Variants in QRICH2 observed in about 807,000 individuals in gnomAD.
The protein encoded by QRICH2 is glutamine rich 2.
QRICH2 carries 119 observed loss-of-function variants against 168.3 expected under a neutral mutation model. The observed-to-expected ratio is 0.71, with a 90% CI of 0.61 to 0.82. The LOEUF (loss-of-function observed/expected upper bound fraction) is 0.82. Among genes scored for constraint, QRICH2 ranks in the 40% least tolerant of loss-of-function variants. The pLI is 0.00. For synonymous variants in QRICH2, 894 were observed against 951.2 expected, an observed-to-expected ratio of 0.94 and a Z score of 1.11; for missense variants, 2,241 against 2,491.6, an observed-to-expected ratio of 0.90 and a Z score of 2.14.
chr17:76,289,088 A>T (rs953411642), intron 5 of QRICH2, among the ~76,000 whole-genome samples: 8 of 148,606 alleles, frequency 5.4e-5, no homozygotes, highest in Non-Finnish European at 8.9e-5. Context: ...TTGGCGACAG[A>T]GTGAGACTGT....
chr17:76,276,830 C>CA, intron 16 of QRICH2, 63 bp from the exon 17 acceptor site: 1 of 1,299,662 alleles, frequency 7.7e-7, no homozygotes, highest in Non-Finnish European at 1.1e-6. Flanking sequence ...GGCCCCTTCA[C>CA]ACGGGACTGA....
chr17:76,284,154 C>T (rs2070838180), intron 7 of QRICH2, among the ~76,000 whole-genome samples: 1 of 80,022 alleles, frequency 1.2e-5, no homozygotes, highest in Non-Finnish European at 2.0e-5. Context: ...GGCAACAGAG[C>T]AAAACTCTGT....
chr17:76,298,786 T>TGTGTGTGTG (rs1416621220), intron 3 of QRICH2, among the ~76,000 whole-genome samples: 1 of 152,190 alleles, frequency 6.6e-6, no homozygotes, highest in South Asian at 2.1e-4. Context: ...CGGCTAATTT[T>TGTGTGTGTG]TATATTTTTA....
Position 76,281,033 on chromosome 17 carries a change from G to GCAAT in QRICH2, c.4264-81_4264-80insATTG. On this transcript the variant is annotated intron_variant, in intron 8 of 18. Coordinates refer to ENST00000680821, the MANE Select transcript of QRICH2 (RefSeq NM_001388453.1). This position sits in a 1 kb window ranked among gnomAD's most constrained non-coding sequence, Gnocchi z 4.4. ...CTGCTGCCATAATATTGCTGCCCCA[G>GCAAT]GTAAGTTGGCCCTTAAAACATCTGC... The GCAAT allele has an allele frequency of 1.3e-6, 2 of 1,540,990 alleles. No homozygotes were observed. The highest frequency in any genetic ancestry group is 1.4e-5 in the African/African-American group (1 of 73,456).
chr17:76,310,474 T>C (rs1162623630), upstream of QRICH2: 1 of 151,810 alleles, frequency 6.6e-6, no homozygotes, highest in Non-Finnish European at 1.5e-5. Context: ...CTGGCCTGTT[T>C]TTTTTTTTTG....
intron 1 of QRICH2, 92 bp from the exon 2 acceptor site, chr17:76,305,033 A>C: frequency 3.7e-5 from 31 of 843,208 alleles, no homozygotes; most frequent in Non-Finnish European, 6.0e-5. Context: ...ACACACTCTC[A>C]CACTCAGACA....
chr17:76,279,040 C>T lies in QRICH2; in HGVS notation c.4916+1G>A, dbSNP rs1390662621. The T allele has an allele frequency of 6.2e-7, 1 of 1,612,370 alleles. No homozygotes were observed. Among genetic ancestry groups the T allele is most frequent in the East Asian group, 2.2e-5 (1 of 44,872 alleles). On this transcript the variant is annotated splice_donor_variant, in intron 14 of 18. Transcript: ENST00000680821. LOFTEE classifies it high-confidence loss of function. Reference sequence around the variant, plus strand: ...GTCCCATATGCTGTCCCATAGCATACTTGCGGCTATGCTGCCGGACCTGCT... The same window carrying T: ...GTCCCATATGCTGTCCCATAGCATATTTGCGGCTATGCTGCCGGACCTGCT...
rs1182834233 is a variant in QRICH2, at chr17:76,300,014, T to G, written c.705+4401A>C. Among the ~76,000 whole-genome samples, 34 of 151,924 alleles carry G rather than the reference T, an allele frequency of 2.2e-4. 1 individual carries two copies. The highest frequency in any genetic ancestry group is 2.2e-3 in the Admixed American group (34 of 15,236). On this transcript the variant is annotated intron_variant, in intron 3 of 18. Coordinates refer to ENST00000680821, the MANE Select transcript of QRICH2 (RefSeq NM_001388453.1). ...CCCAGCTAACTTTTTGTATTTTTAG[T>G]AGAGACGGGGTTTCACCATGTTGGT... is the stretch of plus-strand genomic sequence containing the variant.
rs778760658 is a variant in QRICH2, at chr17:76,293,577, G to A, written c.1150C>T (p.His384Tyr). 2 of 1,614,080 alleles carry A rather than the reference G, an allele frequency of 1.2e-6. No individual in the cohort carries two copies. The highest frequency in any genetic ancestry group is 1.7e-6 in the Non-Finnish European group (2 of 1,180,046). Reference sequence around the variant, plus strand: ...AACCCACGACGATCTGGCCTTAGATGGACCTGACTCTGGCTAGCGGGCACA... The same window carrying A: ...AACCCACGACGATCTGGCCTTAGATAGACCTGACTCTGGCTAGCGGGCACA... ...SSVPASQSQV[H>Y]LRPDRRGLEP... The change falls in exon 4 of 19, where the codon CAT becomes TAT. Residue 384 changes from histidine to tyrosine, a missense_variant. His to Tyr is a moderately conservative substitution (Grantham distance 83). This residue lies in a region of QRICH2 where 2,047 missense variants were observed against 2,303.8 expected (regional missense o/e 0.89). Transcript: ENST00000680821.
chr17:76,299,762 G>A (rs2070864488), intron 3 of QRICH2, among the ~76,000 whole-genome samples: 1 of 151,762 alleles, frequency 6.6e-6, no homozygotes, highest in African/African-American at 2.4e-5. Flanking sequence ...GATATTGCAA[G>A]AGGACCCTGA....
At chr17:76,286,577 T>C (rs116503235) in intron 7 of QRICH2, among the ~76,000 whole-genome samples, 5,062 of 152,258 alleles carry the variant, frequency 0.033, 304 homozygotes, top group African/African-American at 0.11. Flanking sequence ...ATTGTGGTGA[T>C]AGTTGCACAA....
intron 14 of QRICH2, among the ~76,000 whole-genome samples, chr17:76,278,725 A>G (rs2070733742): frequency 6.6e-6 from 1 of 152,216 alleles, no homozygotes; most frequent in African/African-American, 2.4e-5. Flanking sequence ...CCGAAGGCTG[A>G]GGAAGAGGTT....
Position 76,292,688 on chromosome 17 carries a change from A to G in QRICH2, c.2039T>C (p.Leu680Ser). Reference protein sequence around the residue: ...MVQPGRFQRALVQPGAYQPGL... With the variant: ...MVQPGRFQRASVQPGAYQPGL... Reference sequence around the variant, plus strand: ...AGGCTGATATGCACCAGGCTGCACCAAAGCACGCTGAAATCTGCCAGGTTG... The same window carrying G: ...AGGCTGATATGCACCAGGCTGCACCGAAGCACGCTGAAATCTGCCAGGTTG... Residue 680 changes from leucine to serine, a missense_variant, in exon 4 of 19, where the codon TTG (leucine) becomes TCG (serine). Coordinates refer to ENST00000680821, the MANE Select transcript of QRICH2 (RefSeq NM_001388453.1). 1.9e-6 allele frequency: 3 copies of G among 1,614,014 alleles called. No individual in the cohort carries two copies. The highest frequency in any genetic ancestry group is 2.5e-6 in the Non-Finnish European group (3 of 1,180,000).
chr17:76,285,245 C>T (rs1173829300), intron 7 of QRICH2, among the ~76,000 whole-genome samples: 1 of 152,042 alleles, frequency 6.6e-6, no homozygotes, highest in African/African-American at 2.4e-5. Flanking sequence ...GATTCTCCTG[C>T]CCCAGCCTCC....
chr17:76,289,399 C>T (rs1207529703), intron 5 of QRICH2, among the ~76,000 whole-genome samples: 2 of 151,996 alleles, frequency 1.3e-5, no homozygotes, highest in Non-Finnish European at 2.9e-5. Flanking sequence ...GTTGCCCAGG[C>T]TGGTCTCGAG....
rs138760365 is a variant in QRICH2 at position 76,280,392 on chromosome 17, C to G, written c.4521G>C (p.Thr1507=). 3.7e-6 allele frequency: 6 copies of G among 1,614,190 alleles called. No individual in the cohort carries two copies. The South Asian group carries it at 6.6e-5, about 18-fold the overall frequency. Residue 1507 remains threonine (T), a synonymous_variant, in exon 11 of 19, where the codon ACG becomes ACC. Coordinates refer to ENST00000680821, the MANE Select transcript of QRICH2 (RefSeq NM_001388453.1). This position sits in a 1 kb window ranked among gnomAD's most constrained non-coding sequence, Gnocchi z 7.4. ...CCTGCATCATGTGGTTCAGCTGCTC[C>G]GTGGTGGCATCAAACTGGACACGGC... ...KVSRVQFDAT[T]EQLNHMMQEL...
At chr17:76,308,871 G>A (rs980205676), upstream of QRICH2, among the ~76,000 whole-genome samples, 8 of 151,618 alleles carry the variant, frequency 5.3e-5, no homozygotes, top group African/African-American at 1.7e-4. Flanking sequence ...TCAGCCTCCC[G>A]AGTAGCTGGG....
At chr17:76,275,396 G>T (rs940356575) in intron 18 of QRICH2, among the ~76,000 whole-genome samples, 4 of 152,138 alleles carry the variant, frequency 2.6e-5, no homozygotes, top group Admixed American at 2.6e-4. Context: ...GGAGATCAAG[G>T]ACCCAAGGGA....
chr17:76,274,709 T>C (rs1387408622), intron 18 of QRICH2, among the ~76,000 whole-genome samples: 1 of 152,144 alleles, frequency 6.6e-6, no homozygotes, highest in East Asian at 1.9e-4. Context: ...GTGACAGTCA[T>C]GTGCTCACTG....
Sources: gnomAD v4.1 joint callset for allele counts (sites outside exome capture counted in the v4.1 genomes callset) on GRCh38, gnomAD v4.1.1 for gene constraint, gnomAD v4.1.1 regional missense constraint, Gnocchi (gnomAD v3.1) non-coding constraint, MANE v1.5 for transcripts, NCBI Gene and HGNC (gene_info 2026-07-23, HGNC 2026-07-21) for gene names.